The following RXFP1 variants were observed in gnomAD, a reference collection of about 807,000 sequenced individuals.
RXFP1 encodes the protein relaxin receptor 1.
In RXFP1, 73 loss-of-function variants were observed where a neutral mutation model predicts 89.8. The ratio of observed to expected loss-of-function variants is 0.81; its 90% CI spans 0.67 to 0.99. The LOEUF (loss-of-function observed/expected upper bound fraction) is 0.99, where lower values mean the gene tolerates loss of function less well. Among genes scored for constraint, RXFP1 ranks in the 50% least tolerant of loss-of-function variants. The pLI is 0.00. For synonymous variants in RXFP1, 277 were observed against 305.5 expected (o/e 0.91, Z 0.97); for missense variants, 793 against 895.5 (o/e 0.89, Z 1.46).
intron 15 of RXFP1, 177 bp from the exon 16 acceptor site, chr4:158,646,614 A>G (rs1337956259): frequency 2.1e-6 from 3 of 1,408,854 alleles, no homozygotes; most frequent in African/African-American, 2.9e-5. Context: ...TGGTTACCAA[A>G]GAGAGTCTAT....
At chr4:158,575,015 TA>T (rs1367078400) in intron 2 of RXFP1, among the ~76,000 whole-genome samples, 3 of 152,190 alleles carry the variant, frequency 2.0e-5, no homozygotes, top group African/African-American at 7.2e-5. Context: ...TAGAGAGTTC[TA>T]GACAGAGCAA....
intron 1 of RXFP1, among the ~76,000 whole-genome samples, chr4:158,562,069 T>G (rs1027045380): frequency 4.6e-5 from 7 of 152,176 alleles, no homozygotes; most frequent in Non-Finnish European, 7.3e-5. Flanking sequence ...AATCACAAGT[T>G]TGAACTTAAT....
chr4:158,622,242 C>T (rs1190837155), intron 9 of RXFP1, among the ~76,000 whole-genome samples: 1 of 151,830 alleles, frequency 6.6e-6, no homozygotes, highest in Non-Finnish European at 1.5e-5. Context: ...ACCCGGGAGG[C>T]GGAGGTTGCA....
chr4:158,538,009 C>T (rs895215789), intron 1 of RXFP1, among the ~76,000 whole-genome samples: 1 of 152,146 alleles, frequency 6.6e-6, no homozygotes, highest in Non-Finnish European at 1.5e-5. Context: ...ATAGGTGGAA[C>T]AGCCAACTCA....
chr4:158,636,233 T>A (rs938610497), intron 12 of RXFP1, among the ~76,000 whole-genome samples: 16 of 152,178 alleles, frequency 1.1e-4, no homozygotes, highest in African/African-American at 3.6e-4. Context: ...TCTAAAAAAT[T>A]AAAATATAAC....
At chr4:158,568,424 T>A (rs1023094739) in intron 1 of RXFP1, among the ~76,000 whole-genome samples, 11 of 152,240 alleles carry the variant, frequency 7.2e-5, no homozygotes, top group African/African-American at 2.4e-4. Context: ...GTATGGCCAG[T>A]TAAAACATCT....
chr4:158,607,505 G>C lies in RXFP1; in HGVS notation c.465-467G>C, dbSNP rs116406116. 4.6e-3 allele frequency among the ~76,000 whole-genome samples: 703 copies of C among 152,304 alleles called. 3 individuals carry two copies. The highest frequency in any genetic ancestry group is 8.3e-3 in the Non-Finnish European group (564 of 68,028). On this transcript the variant is annotated intron_variant, in intron 5 of 17. Coordinates refer to ENST00000307765, the MANE Select transcript of RXFP1 (RefSeq NM_021634.4). Reference sequence around the variant, plus strand: ...ACACTTTTAGGTTGGCTAGCACTGTGTTGAGCACTTAACAAGTTTAAAGAA... The same window carrying C: ...ACACTTTTAGGTTGGCTAGCACTGTCTTGAGCACTTAACAAGTTTAAAGAA...
intron 4 of RXFP1, 135 bp from the exon 5 acceptor site, chr4:158,604,933 A>G: frequency 2.0e-6 from 1 of 493,814 alleles, no homozygotes; most frequent in Admixed American, 3.6e-5. Context: ...TATGATAAAT[A>G]TGAGAGAGAC....
chr4:158,651,046 C>T (rs1772610361), intron 17 of RXFP1, among the ~76,000 whole-genome samples: 1 of 152,126 alleles, frequency 6.6e-6, no homozygotes, highest in Non-Finnish European at 1.5e-5. Context: ...ATCGCTTGGG[C>T]CCAGGAGGTC....
At chr4:158,593,923 C>G (rs2150070661) in intron 3 of RXFP1, among the ~76,000 whole-genome samples, 1 of 152,316 alleles carries the variant, frequency 6.6e-6, no homozygotes, top group South Asian at 2.1e-4. Context: ...CTGCAAAACC[C>G]TTATTCATTA....
At chr4:158,526,473 C>T (rs1742528027) in intron 1 of RXFP1, among the ~76,000 whole-genome samples, 1 of 152,148 alleles carries the variant, frequency 6.6e-6, no homozygotes, top group South Asian at 2.1e-4. Flanking sequence ...CAACACTAAA[C>T]CAAAAGCTCT....
chr4:158,615,396 T>C (rs1434635659), intron 8 of RXFP1, among the ~76,000 whole-genome samples: 1 of 152,062 alleles, frequency 6.6e-6, no homozygotes, highest in Admixed American at 6.5e-5. Context: ...ATTAGCTGGG[T>C]GTGGTGGCAC....
intron 2 of RXFP1, among the ~76,000 whole-genome samples, chr4:158,588,117 C>T (rs72963744): frequency 0.023 from 3,439 of 152,210 alleles, 110 homozygotes; most frequent in African/African-American, 0.075. Context: ...TAGAACAGAA[C>T]ATTTTGTAAG....
intron 2 of RXFP1, among the ~76,000 whole-genome samples, chr4:158,590,767 T>C (rs955157428): frequency 7.2e-5 from 11 of 152,324 alleles, no homozygotes; most frequent in Non-Finnish European, 4.4e-5. Flanking sequence ...GTCTGTTATC[T>C]GTAACCCCTT....
intron 6 of RXFP1, among the ~76,000 whole-genome samples, chr4:158,610,345 C>A (rs1763349211): frequency 6.6e-6 from 1 of 151,998 alleles, no homozygotes; most frequent in Non-Finnish European, 1.5e-5. Flanking sequence ...ATTCATTAAC[C>A]CTCACAGAGT....
Position 158,651,871 on chromosome 4 carries a change from A to G in RXFP1, c.2090A>G (p.Tyr697Cys), listed in dbSNP as rs749033028. ...PFKEMIHRFWYNYRQRKSMDS... is the reference protein window; with the variant it reads ...PFKEMIHRFWCNYRQRKSMDS... ...AAAGAAATGATTCATCGGTTTTGGTATAACTACAGACAAAGAAAATCTATG... is the reference window on the plus strand; with the variant it reads ...AAAGAAATGATTCATCGGTTTTGGTGTAACTACAGACAAAGAAAATCTATG... Residue 697 changes from tyrosine to cysteine, a missense_variant, in exon 18 of 18, where the codon TAT (tyrosine) becomes TGT (cysteine). By Grantham distance (194) the Tyr-to-Cys change is radical (BLOSUM62 -2). Transcript: ENST00000307765. The G allele has an allele frequency of 2.5e-6, 4 of 1,614,176 alleles. No homozygotes were observed. In the East Asian group the frequency reaches 6.7e-5, roughly 27 times the overall value.
chr4:158,574,560 C>A (rs1755818214), intron 2 of RXFP1, among the ~76,000 whole-genome samples: 1 of 152,194 alleles, frequency 6.6e-6, no homozygotes, highest in Non-Finnish European at 1.5e-5. Flanking sequence ...TCCGCTATCA[C>A]CTGGAAACCC....
chr4:158,626,189 G>A (rs7436760), intron 9 of RXFP1, among the ~76,000 whole-genome samples: 1 of 140,802 alleles, frequency 7.1e-6, no homozygotes, highest in South Asian at 2.1e-4. Flanking sequence ...TAGAGATAGA[G>A]ATATATGCAG....
At chr4:158,587,187 C>T (rs1043865295) in intron 2 of RXFP1, among the ~76,000 whole-genome samples, 6 of 152,274 alleles carry the variant, frequency 3.9e-5, no homozygotes, top group East Asian at 3.9e-4. Context: ...GCTGCAAGGT[C>T]GAAGCCTTCA....
Sources: allele counts gnomAD v4.1 joint callset (sites outside exome capture counted in the v4.1 genomes callset), GRCh38; gene constraint gnomAD v4.1.1; transcripts MANE v1.5; gene names NCBI Gene and HGNC (gene_info 2026-07-23, HGNC 2026-07-21).